The following CACNA1I variants were observed in gnomAD, a reference collection of about 807,000 sequenced individuals.
CACNA1I encodes the protein calcium voltage-gated channel subunit alpha1 I.
A neutral mutation model predicts 201.6 loss-of-function variants in CACNA1I; 74 were observed. The observed-to-expected ratio is 0.37, with a 90% CI of 0.30 to 0.45. The LOEUF (loss-of-function observed/expected upper bound fraction) is 0.45, where lower values mean the gene tolerates loss of function less well. CACNA1I is among the 20% of genes least tolerant of loss of function. The pLI is 1.00. For missense variants in CACNA1I, 2,346 were observed against 3,138.1 expected, an observed-to-expected ratio of 0.75 and a Z score of 6.03; for synonymous variants, 1,431 against 1,345.2, an observed-to-expected ratio of 1.06 and a Z score of -1.40.
chr22:39,677,337 G>A lies in CACNA1I; in HGVS notation c.4855-4G>A, dbSNP rs978512060. The A allele has an allele frequency of 1.4e-5, 22 of 1,583,752 alleles. No individual in the cohort carries two copies. Among genetic ancestry groups the A allele is most frequent in the Admixed American group, 5.2e-5 (3 of 57,408 alleles). ...CCCACCCGGCCTCACCTGTCCTCCC[G>A]CAGGTGGGCAACCTGGGCCTCCTCT... On this transcript the variant is annotated splice_polypyrimidine_tract_variant and splice_region_variant and intron_variant, in intron 29 of 36. Transcript: ENST00000402142. The surrounding 1 kb of genome is among the most constrained non-coding windows in gnomAD (Gnocchi z 4.8).
At chr22:39,627,754 C>T (rs1456326425) in intron 4 of CACNA1I, among the ~76,000 whole-genome samples, 1 of 152,220 alleles carries the variant, frequency 6.6e-6, no homozygotes, top group Non-Finnish European at 1.5e-5. Flanking sequence ...TGTCAGCCCC[C>T]ACCAGGCCAC....
intron 1 of CACNA1I, 53 bp downstream of exon 1, chr22:39,571,041 G>A (rs1372117569): frequency 1.6e-5 from 23 of 1,460,416 alleles, no homozygotes; most frequent in Non-Finnish European, 2.1e-5. Context: ...GAAGGGTGGG[G>A]GGCTGGATTG....
intron 5 of CACNA1I, among the ~76,000 whole-genome samples, chr22:39,636,851 TGA>T (rs1340704837): frequency 6.6e-6 from 1 of 152,120 alleles, no homozygotes; most frequent in East Asian, 1.9e-4. Flanking sequence ...GTGGGCCCTG[TGA>T]GATGGACAGA....
intron 4 of CACNA1I, among the ~76,000 whole-genome samples, chr22:39,624,637 G>T (rs952354079): frequency 6.6e-6 from 1 of 152,208 alleles, no homozygotes; most frequent in African/African-American, 2.4e-5. Context: ...GGAGCCGCAG[G>T]CTGTTGGAGC....
chr22:39,629,017 C>T lies in CACNA1I; in HGVS notation c.581-5548C>T, dbSNP rs1267966857. 1.3e-5 allele frequency among the ~76,000 whole-genome samples: 2 copies of T among 152,160 alleles called. No individual in the cohort carries two copies. On this transcript the variant is annotated intron_variant, in intron 4 of 36. Coordinates refer to ENST00000402142, the MANE Select transcript of CACNA1I (RefSeq NM_021096.4). The surrounding 1 kb of genome is among the most constrained non-coding windows in gnomAD (Gnocchi z 4.8). ...TGCTTCCTGTTCTTCCTGCCACCTC[C>T]TCTCAGGTGTCCCCACTGCCACTGA...
At chr22:39,622,296 T>C (rs377579270) in intron 4 of CACNA1I, among the ~76,000 whole-genome samples, 4 of 127,494 alleles carry the variant, frequency 3.1e-5, no homozygotes, top group African/African-American at 6.1e-5. Flanking sequence ...GCAGGGAGAA[T>C]GGGGCTGGGG....
At chr22:39,634,464 ATCCCCC>A in intron 4 of CACNA1I, 95 bp from the exon 5 acceptor site, 2 of 1,125,880 alleles carry the variant, frequency 1.8e-6, no homozygotes, top group African/African-American at 1.5e-5. Context: ...CTGATAATGC[ATCCCCC>A]TCCCCCTCCC....
At position 39,653,409 on chromosome 22, in the gene CACNA1I, G is replaced by A. The variant is rs117625716; in HGVS notation, c.1992+3484G>A. On this transcript the variant is annotated intron_variant, in intron 10 of 36. Coordinates refer to ENST00000402142, the MANE Select transcript of CACNA1I (RefSeq NM_021096.4). Reference sequence around the variant, plus strand: ...GCCCGCTGGTATTTTTGCTCCGCTCGCTCGGCTCCCAGACACTGCTCTGCG... The same window carrying A: ...GCCCGCTGGTATTTTTGCTCCGCTCACTCGGCTCCCAGACACTGCTCTGCG... 2.0e-3 allele frequency among the ~76,000 whole-genome samples: 298 copies of A among 152,294 alleles called. 14 individuals carry two copies. In the East Asian group the frequency reaches 0.054, roughly 27 times the overall value.
intron 1 of CACNA1I, 102 bp downstream of exon 1, chr22:39,571,090 G>C: frequency 9.7e-7 from 1 of 1,030,156 alleles, no homozygotes; most frequent in Non-Finnish European, 1.5e-6. Context: ...TGGGAGACCT[G>C]AGGTCTGCGG....
intron 2 of CACNA1I, among the ~76,000 whole-genome samples, chr22:39,599,333 C>A (rs1932969280): frequency 6.7e-6 from 1 of 149,260 alleles, no homozygotes; most frequent in African/African-American, 2.5e-5. Context: ...AAAATCCAGA[C>A]CCCTGGCCGG....
At chr22:39,627,179 G>C (rs1481944958) in intron 4 of CACNA1I, among the ~76,000 whole-genome samples, 1 of 152,180 alleles carries the variant, frequency 6.6e-6, no homozygotes, top group East Asian at 1.9e-4. Flanking sequence ...CCACTTCCAG[G>C]GTCAAAGGAG....
At chr22:39,663,439 C>T (rs1338646697) in intron 18 of CACNA1I, among the ~76,000 whole-genome samples, 1 of 152,134 alleles carries the variant, frequency 6.6e-6, no homozygotes, top group African/African-American at 2.4e-5. Context: ...GGGTACTAGG[C>T]AGCGTGGTAT....
At chr22:39,624,259 C>G (rs2146399588) in intron 4 of CACNA1I, among the ~76,000 whole-genome samples, 1 of 152,256 alleles carries the variant, frequency 6.6e-6, no homozygotes, top group East Asian at 1.9e-4. Flanking sequence ...CTCCTGGTTC[C>G]TCTCCTGCTG....
rs1193876952 is a variant in CACNA1I, at chr22:39,664,867, C to T, written c.3795C>T (p.Ala1265=). 6.2e-7 allele frequency: 1 copy of T among 1,613,170 alleles called. No homozygotes were observed. Residue 1265 remains alanine (A), a synonymous_variant, in exon 21 of 37, where the codon GCC becomes GCT. Transcript: ENST00000402142. ...IVVSLASAGG[A]KILGVLRVLR... is the part of the protein sequence containing the mutation. ...TGTCCCTGGCCTCAGCCGGGGGAGC[C>T]AAGATCTTGGGGGTCCTCCGAGTCT... is the stretch of plus-strand genomic sequence containing the variant.
At chr22:39,590,613 C>T (rs778527108) in intron 1 of CACNA1I, among the ~76,000 whole-genome samples, 1 of 152,236 alleles carries the variant, frequency 6.6e-6, no homozygotes, top group Non-Finnish European at 1.5e-5. Flanking sequence ...GACACTGAAC[C>T]AGGTGATGGC....
intron 29 of CACNA1I, among the ~76,000 whole-genome samples, chr22:39,675,393 C>G (rs576504707): frequency 2.0e-5 from 3 of 152,152 alleles, no homozygotes; most frequent in Non-Finnish European, 4.4e-5. Context: ...TCCCCATGCT[C>G]TGACCCCTGG....
At chr22:39,672,879 A>T (rs1935412443) in intron 27 of CACNA1I, 70 bp from the exon 28 acceptor site, 1 of 1,515,048 alleles carries the variant, frequency 6.6e-7, no homozygotes, top group Non-Finnish European at 8.9e-7. Flanking sequence ...GGCTCCCCCC[A>T]CTAAGGTGTG....
Position 39,616,671 on chromosome 22 carries a change from G to A in CACNA1I, c.483-2639G>A, listed in dbSNP as rs147601729. Among the ~76,000 whole-genome samples the A allele has an allele frequency of 1.5e-3, 221 of 151,548 alleles. 11 individuals carry two copies. The East Asian group carries it at 0.041, about 28-fold the overall frequency. ...CCCAGCTACTCAGGAGGCTGAGGCA[G>A]GAGAATCGCTTGAACCCGGGAGGCG... is the stretch of plus-strand genomic sequence containing the variant. On this transcript the variant is annotated intron_variant, in intron 3 of 36. Transcript: ENST00000402142.
chr22:39,611,980 A>G (rs1327695489), intron 3 of CACNA1I, among the ~76,000 whole-genome samples: 1 of 152,156 alleles, frequency 6.6e-6, no homozygotes, highest in Non-Finnish European at 1.5e-5. Context: ...TTGTGTGAGG[A>G]ACTGCGAGTG....
Sources: allele counts gnomAD v4.1 joint callset (sites outside exome capture counted in the v4.1 genomes callset), GRCh38; gene constraint gnomAD v4.1.1; non-coding constraint Gnocchi (gnomAD v3.1); transcripts MANE v1.5; gene names NCBI Gene and HGNC (gene_info 2026-07-23, HGNC 2026-07-21).